Variants in SASH1 observed in about 807,000 individuals in gnomAD.
The protein encoded by SASH1 is SAM and SH3 domain-containing protein 1.
A neutral mutation model predicts 125.2 loss-of-function variants in SASH1; 44 were observed. That is an observed-to-expected ratio of 0.35 (90% CI 0.28 to 0.45). The LOEUF (loss-of-function observed/expected upper bound fraction) is 0.45. Among genes scored for constraint, SASH1 ranks in the 20% least tolerant of loss-of-function variants. SASH1 has a pLI of 1.00. For missense variants in SASH1, 1,426 were observed against 1,614.5 expected (o/e 0.88, Z 2.00); for synonymous variants, 639 against 649.1 (o/e 0.98, Z 0.24).
intron 1 of SASH1, among the ~76,000 whole-genome samples, chr6:148,343,474 G>A (rs1354816004): frequency 6.6e-6 from 1 of 152,202 alleles, no homozygotes; most frequent in Non-Finnish European, 1.5e-5. Context: ...GTTTAATCTG[G>A]GACACCTGCT....
chr6:148,334,984 A>G (rs1781110519), intron 1 of SASH1, among the ~76,000 whole-genome samples: 1 of 149,574 alleles, frequency 6.7e-6, no homozygotes, highest in South Asian at 2.1e-4. Flanking sequence ...AAAAAAAAAA[A>G]AAAAAGAAAA....
At chr6:148,313,401 G>T (rs1230538491) in intron 1 of SASH1, among the ~76,000 whole-genome samples, 1 of 152,078 alleles carries the variant, frequency 6.6e-6, no homozygotes, top group African/African-American at 2.4e-5. Flanking sequence ...CTACTAATTG[G>T]GGTACATCAC....
chr6:148,290,690 C>T (rs1425005675), intron 1 of SASH1, among the ~76,000 whole-genome samples: 1 of 149,456 alleles, frequency 6.7e-6, no homozygotes, highest in African/African-American at 2.5e-5. Flanking sequence ...GAGTCATCAC[C>T]ACTCCCTAAT....
chr6:148,533,733 T>C lies in SASH1; in HGVS notation c.1735-38T>C, dbSNP rs1294177166. 3 of 1,550,518 alleles carry C rather than the reference T, an allele frequency of 1.9e-6. No homozygotes were observed. The highest frequency in any genetic ancestry group is 1.7e-5 in the Admixed American group (1 of 59,166). ...ATTCTTGATTTGTACGTTCATGGAA[T>C]GTACCTAATGGAAAGATCTTTGCTC... On this transcript the variant is annotated intron_variant, in intron 14 of 19. Transcript: ENST00000367467. This position sits in a 1 kb window ranked among gnomAD's most constrained non-coding sequence, Gnocchi z 6.2.
At chr6:148,538,370 T>C (rs1782001414) in intron 16 of SASH1, among the ~76,000 whole-genome samples, 1 of 152,172 alleles carries the variant, frequency 6.6e-6, no homozygotes, top group Non-Finnish European at 1.5e-5. Flanking sequence ...CCCTGGGTTG[T>C]AATGGATAGC....
At chr6:148,352,191 C>T (rs181386949) in intron 1 of SASH1, among the ~76,000 whole-genome samples, 23 of 152,258 alleles carry the variant, frequency 1.5e-4, no homozygotes, top group African/African-American at 5.3e-4. Context: ...TAACCCTTAC[C>T]GGACATGTGA....
intron 1 of SASH1, among the ~76,000 whole-genome samples, chr6:148,305,958 G>A (rs1780118732): frequency 6.6e-6 from 1 of 152,170 alleles, no homozygotes; most frequent in African/African-American, 2.4e-5. Flanking sequence ...GAGTGCTTGA[G>A]GTGATGAGCC....
At position 148,319,757 on chromosome 6, in the gene SASH1, G is replaced by T. The variant is rs761771704; in HGVS notation, n.74+47380G>T. Among the ~76,000 whole-genome samples, 3 of 151,662 alleles carry T rather than the reference G, an allele frequency of 2.0e-5. No individual in the cohort carries two copies. In the East Asian group the frequency reaches 5.9e-4, roughly 30 times the overall value. Reference sequence around the variant, plus strand: ...TCGAATTCCCGATCTCAGGTGATCCGCAAGTCTTGGCCTCCCAAAGTACTG... The same window carrying T: ...TCGAATTCCCGATCTCAGGTGATCCTCAAGTCTTGGCCTCCCAAAGTACTG... On this transcript the variant is annotated intron_variant and non_coding_transcript_variant, in intron 1 of 3. Transcript: ENST00000367469.
the SASH1 span, among the ~76,000 whole-genome samples, chr6:148,230,876 A>G: frequency 2.0e-5 from 3 of 152,212 alleles, no homozygotes; most frequent in African/African-American, 4.8e-5. Flanking sequence ...TTCTGAATAC[A>G]AATTCCTTAT....
intron 1 of SASH1, among the ~76,000 whole-genome samples, chr6:148,307,024 T>TTTTTC (rs1780145545): frequency 1.7e-5 from 2 of 120,782 alleles, no homozygotes; most frequent in African/African-American, 6.3e-5. Context: ...TTTCTCTTTC[T>TTTTTC]TTTCTTTCTT....
In SASH1 at chr6:148,285,361, T is replaced by C. The variant is rs150202135; in HGVS notation, n.74+12984T>C. Among the ~76,000 whole-genome samples the C allele has an allele frequency of 2.4e-3, 369 of 152,308 alleles. 1 individual carries two copies. Among genetic ancestry groups the C allele is most frequent in the Non-Finnish European group, 3.7e-3 (251 of 68,018 alleles). On this transcript the variant is annotated intron_variant and non_coding_transcript_variant, in intron 1 of 3. Coordinates refer to the SASH1 transcript ENST00000367469. ...CCCTGGAAAAGAGTTCCTATCTCCTTGCTATGGTTGTGGCGTGTGTTAATC... is the reference window on the plus strand; with the variant it reads ...CCCTGGAAAAGAGTTCCTATCTCCTCGCTATGGTTGTGGCGTGTGTTAATC...
Position 148,343,104 on chromosome 6 carries a change from C to A in SASH1, c.37C>A (p.Pro13Thr). The A allele has an allele frequency of 6.4e-7, 1 of 1,572,560 alleles. No individual in the cohort carries two copies. Residue 13 changes from proline (P) to threonine (T), a missense_variant, in exon 1 of 20, where the codon CCT becomes ACT. Physicochemically the swap from Pro to Thr is conservative, Grantham distance 38. Around this residue, in one of 3 missense-constraint regions of SASH1, gnomAD observed 567 missense variants for 575.6 expected, o/e 0.99. Coordinates refer to ENST00000367467, the MANE Select transcript of SASH1 (RefSeq NM_015278.5). Reference sequence around the variant, plus strand: ...GGGAGCAGCTGGCCCGGGGCCGGAGCCTGAGCCCGAGCCCGAGCCGGAGCC... The same window carrying A: ...GGGAGCAGCTGGCCCGGGGCCGGAGACTGAGCCCGAGCCCGAGCCGGAGCC... ...DAGAAGPGPE[P>T]EPEPEPEPEP...
intron 1 of SASH1, among the ~76,000 whole-genome samples, chr6:148,312,568 C>A (rs1404683283): frequency 1.3e-5 from 2 of 152,190 alleles, no homozygotes; most frequent in African/African-American, 4.8e-5. Context: ...TGTGCTCTGG[C>A]ACTTAAAGCT....
At chr6:148,463,636 A>G (rs1033552281) in intron 4 of SASH1, among the ~76,000 whole-genome samples, 1 of 152,164 alleles carries the variant, frequency 6.6e-6, no homozygotes, top group Non-Finnish European at 1.5e-5. Context: ...CGTAGTGTTC[A>G]GTCAGAGCTT....
intron 4 of SASH1, among the ~76,000 whole-genome samples, chr6:148,448,439 A>G (rs1486121008): frequency 6.6e-6 from 1 of 152,104 alleles, no homozygotes; most frequent in Non-Finnish European, 1.5e-5. Context: ...GTGGCTTCAT[A>G]GGAACCTAAC....
intron 8 of SASH1, among the ~76,000 whole-genome samples, chr6:148,491,866 G>A (rs905013926): frequency 2.6e-5 from 4 of 152,144 alleles, no homozygotes; most frequent in African/African-American, 4.8e-5. Flanking sequence ...GTCCCGGGAC[G>A]ATGAGGTAAT....
rs750455930 is a variant in SASH1, at chr6:148,544,649, G to C, written c.3179G>C (p.Trp1060Ser). ...GSPPSTRPPP[W>S]LSELPENTSL... The stretch of plus-strand genomic sequence containing the variant: ...CCACCAAGCACAAGGCCGCCCCCCT[G>C]GCTCTCAGAGCTCCCCGAGAACACA... Residue 1060 changes from tryptophan to serine, a missense_variant, in exon 18 of 20, where the codon TGG (tryptophan) becomes TCG (serine). Physicochemically the swap from Trp to Ser is radical, Grantham distance 177 (BLOSUM62 -3). Transcript: ENST00000367467. This position sits in a 1 kb window ranked among gnomAD's most constrained non-coding sequence, Gnocchi z 6.4. 1.9e-6 allele frequency: 3 copies of C among 1,613,404 alleles called. No individual in the cohort carries two copies. In the South Asian group the frequency reaches 3.3e-5, roughly 18 times the overall value.
intron 1 of SASH1, among the ~76,000 whole-genome samples, chr6:148,357,292 A>G (rs757981346): frequency 1.7e-4 from 26 of 152,224 alleles, no homozygotes; most frequent in Non-Finnish European, 5.9e-5. Flanking sequence ...CATTTTATTC[A>G]ATAACCATAA....
At chr6:148,385,364 A>G (rs985495069) in intron 1 of SASH1, among the ~76,000 whole-genome samples, 1 of 152,220 alleles carries the variant, frequency 6.6e-6, no homozygotes, top group Non-Finnish European at 1.5e-5. Context: ...TCGTAGGAAA[A>G]ACAGAACTGA....
Sources: gnomAD v4.1 joint callset for allele counts (sites outside exome capture counted in the v4.1 genomes callset) on GRCh38, gnomAD v4.1.1 for gene constraint, gnomAD v4.1.1 regional missense constraint, Gnocchi (gnomAD v3.1) non-coding constraint, MANE v1.5 for transcripts, NCBI Gene and HGNC (gene_info 2026-07-23, HGNC 2026-07-21) for gene names.